ARHGAP29: variants seen among roughly 807,000 people sequenced by gnomAD.
ARHGAP29 encodes the protein Rho GTPase activating protein 29.
Under a neutral mutation model 122.6 loss-of-function variants are expected in ARHGAP29, and 43 were observed. The ratio of observed to expected loss-of-function variants is 0.35; its 90% confidence interval spans 0.27 to 0.45. The LOEUF is 0.45. Among genes scored for constraint, ARHGAP29 ranks in the 20% least tolerant of loss-of-function variants. The probability of loss-of-function intolerance (pLI) is 1.00; values close to 1 mark genes in which losing one functional copy is unlikely to be tolerated. For synonymous variants in ARHGAP29, 506 were observed against 497.1 expected, an observed-to-expected ratio of 1.02 and a Z score of -0.24; for missense variants, 1,303 against 1,477.2, an observed-to-expected ratio of 0.88 and a Z score of 1.93.
intron 2 of ARHGAP29, among the ~76,000 whole-genome samples, chr1:94,224,466 A>G (rs1652501470): frequency 1.3e-5 from 2 of 152,208 alleles, no homozygotes; most frequent in Admixed American, 6.5e-5. Context: ...ACTACAAAAT[A>G]CTAATGGCCT....
upstream of ARHGAP29, among the ~76,000 whole-genome samples, chr1:94,241,171 A>G (rs1033375847): frequency 6.6e-6 from 1 of 152,248 alleles, no homozygotes; most frequent in African/African-American, 2.4e-5. Context: ...ATAAAAAACT[A>G]TAAGACCTAA....
At chr1:94,241,734 T>TTTTA (rs1330784224), upstream of ARHGAP29, among the ~76,000 whole-genome samples, 1 of 135,254 alleles carries the variant, frequency 7.4e-6, no homozygotes, top group African/African-American at 2.6e-5. Context: ...TAATATATAT[T>TTTTA]TATATATATA....
chr1:94,188,136 C>T (rs1393427998), intron 15 of ARHGAP29, among the ~76,000 whole-genome samples: 1 of 152,052 alleles, frequency 6.6e-6, no homozygotes, highest in African/African-American at 2.4e-5. Flanking sequence ...CTCATGGGTT[C>T]AACTGCTACC....
the ARHGAP29 span, among the ~76,000 whole-genome samples, chr1:94,301,139 G>C: frequency 6.6e-6 from 1 of 152,176 alleles, no homozygotes; most frequent in Admixed American, 6.5e-5. Flanking sequence ...TTGGTTACCA[G>C]GTATCTGAAC....
chr1:94,194,121 CA>C (rs903304839), intron 12 of ARHGAP29: 1 of 152,034 alleles, frequency 6.6e-6, no homozygotes, highest in African/African-American at 2.4e-5. Flanking sequence ...AGTGTGCAAC[CA>C]TTTTTTTTAA....
chr1:94,269,931 T>C (rs1654926656), intron 1 of ARHGAP29, among the ~76,000 whole-genome samples: 1 of 152,088 alleles, frequency 6.6e-6, no homozygotes, highest in Non-Finnish European at 1.5e-5. Flanking sequence ...ATTTTCGTAG[T>C]CCCCAGTTAT....
chr1:94,233,950 T>C (rs961823368), intron 1 of ARHGAP29, among the ~76,000 whole-genome samples: 1 of 152,196 alleles, frequency 6.6e-6, no homozygotes. Flanking sequence ...TGTCTATATG[T>C]AATTCTATTT....
At chr1:94,272,910 C>T (rs1232391737) in intron 1 of ARHGAP29, among the ~76,000 whole-genome samples, 5 of 152,016 alleles carry the variant, frequency 3.3e-5, no homozygotes, top group East Asian at 3.9e-4. Context: ...TTCTTGGAGT[C>T]GAAGATAAAA....
intron 1 of ARHGAP29, among the ~76,000 whole-genome samples, chr1:94,251,747 G>A (rs1049822653): frequency 3.3e-5 from 5 of 151,936 alleles, no homozygotes; most frequent in Admixed American, 1.3e-4. Flanking sequence ...CTGCCTTCTG[G>A]TCTCTCCTCA....
At chr1:94,305,016 T>A in the ARHGAP29 span, among the ~76,000 whole-genome samples, 3 of 152,230 alleles carry the variant, frequency 2.0e-5, no homozygotes, top group African/African-American at 7.2e-5. Context: ...GATGAGGCAG[T>A]GGTTATTTTG....
chr1:94,298,771 A>C, the ARHGAP29 span, among the ~76,000 whole-genome samples: 5 of 152,260 alleles, frequency 3.3e-5, no homozygotes, highest in African/African-American at 4.8e-5. Context: ...GTTCATTTAC[A>C]TGGTTTCACA....
intron 22 of ARHGAP29, chr1:94,177,383 T>C (rs996933780): frequency 8.3e-6 from 3 of 363,562 alleles, no homozygotes; most frequent in Admixed American, 4.3e-5. Flanking sequence ...CAAAAAACAT[T>C]ATAAACTCCA....
rs183924867 is a variant in ARHGAP29 at position 94,170,738 on chromosome 1, T to A, written c.*3131A>T. On this transcript the variant is annotated 3_prime_UTR_variant, in exon 23 of 23. Transcript: ENST00000260526. ...TTACACGACTGAGTCTTCTAATTCG[T>A]GTACATTATGGAGTACTACATTTAT... Among the ~76,000 whole-genome samples, 13 of 152,346 alleles carry A rather than the reference T, an allele frequency of 8.5e-5. No homozygotes were observed. Among genetic ancestry groups the A allele is most frequent in the African/African-American group, 3.1e-4 (13 of 41,586 alleles).
At chr1:94,237,690 G>A (rs1312439651), upstream of ARHGAP29, 1 of 985,322 alleles carries the variant, frequency 1.0e-6, no homozygotes, top group Non-Finnish European at 1.2e-6. Flanking sequence ...GGGCGGGGCC[G>A]GCGACCGCGG....
intron 1 of ARHGAP29, among the ~76,000 whole-genome samples, chr1:94,251,458 A>C (rs1318212410): frequency 1.3e-5 from 2 of 152,208 alleles, no homozygotes; most frequent in Non-Finnish European, 1.5e-5. Flanking sequence ...CATTTTATAA[A>C]TGAAAAGCTG....
chr1:94,203,469 T>C (rs1287428861), intron 8 of ARHGAP29, among the ~76,000 whole-genome samples: 1 of 152,206 alleles, frequency 6.6e-6, no homozygotes, highest in African/African-American at 2.4e-5. Flanking sequence ...GAATAGTGAC[T>C]CATGCCTATA....
At chr1:94,277,256 G>A (rs1475897966), upstream of ARHGAP29, among the ~76,000 whole-genome samples, 1 of 152,180 alleles carries the variant, frequency 6.6e-6, no homozygotes, top group East Asian at 1.9e-4. Context: ...GGAAGATCTT[G>A]TTCCTAGGAA....
chr1:94,242,913 G>T (rs1376024157), intron 1 of ARHGAP29, among the ~76,000 whole-genome samples: 4 of 151,914 alleles, frequency 2.6e-5, no homozygotes, highest in Non-Finnish European at 5.9e-5. Flanking sequence ...AGCCAAAGTA[G>T]CTCTATAATA....
At chr1:94,184,507 G>A (rs1649670278) in intron 18 of ARHGAP29, among the ~76,000 whole-genome samples, 1 of 152,182 alleles carries the variant, frequency 6.6e-6, no homozygotes, top group African/African-American at 2.4e-5. Context: ...GTGCCTGGGA[G>A]GTGGAGGCGG....
Sources: allele counts gnomAD v4.1 joint callset (sites outside exome capture counted in the v4.1 genomes callset), GRCh38; gene constraint gnomAD v4.1.1; transcripts MANE v1.5; gene names NCBI Gene and HGNC (gene_info 2026-07-23, HGNC 2026-07-21).